Variants in INPP4B observed in about 807,000 individuals in gnomAD.
INPP4B encodes inositol polyphosphate 4-phosphatase type II.
A neutral mutation model predicts 122.5 loss-of-function variants in INPP4B; 55 were observed. The observed-to-expected ratio is 0.45, with a 90% CI of 0.36 to 0.56. The LOEUF (loss-of-function observed/expected upper bound fraction) is 0.56, where lower values mean the gene tolerates loss of function less well. INPP4B is among the 20% of genes least tolerant of loss of function. INPP4B has a pLI of 0.00. For missense variants in INPP4B, 1,000 were observed against 1,097.7 expected, an observed-to-expected ratio of 0.91 and a Z score of 1.26; for synonymous variants, 403 against 388.7, an observed-to-expected ratio of 1.04 and a Z score of -0.43.
In INPP4B at chr4:142,363,354, T is replaced by C. The variant is rs192449937; in HGVS notation, c.372+39584A>G. On this transcript the variant is annotated intron_variant, in intron 7 of 25. Coordinates refer to ENST00000262992, the MANE Select transcript of INPP4B (RefSeq NM_001101669.3). Reference sequence around the variant, plus strand: ...ATATAAACAAATATATATATATATGTGTGTGTGTATACACATGCCAAAAAG... The same window carrying C: ...ATATAAACAAATATATATATATATGCGTGTGTGTATACACATGCCAAAAAG... Among the ~76,000 whole-genome samples, 682 of 148,822 alleles carry C rather than the reference T, an allele frequency of 4.6e-3. 4 individuals are homozygous for C. Among genetic ancestry groups the C allele is most frequent in the Non-Finnish European group, 7.6e-3 (519 of 67,886 alleles).
rs1561067929 is a variant in INPP4B at position 142,086,218 on chromosome 4, A to G, written c.2413T>C (p.Leu805=). The change falls in exon 24 of 26, where the codon TTG becomes CTG. Residue 805 remains leucine (L), a synonymous_variant. Coordinates refer to ENST00000262992, the MANE Select transcript of INPP4B (RefSeq NM_001101669.3). The part of the protein sequence containing the change: ...HFQEQNDLKA[L]LENLLQNIQS... ...ATATTTTGAAGGAGATTTTCTAGCA[A>G]TGCTTTTAAATCATTTTGTTCCTGA... 3 of 1,588,460 alleles carry G rather than the reference A, an allele frequency of 1.9e-6. No individual in the cohort carries two copies. Among genetic ancestry groups the G allele is most frequent in the Non-Finnish European group, 2.6e-6 (3 of 1,156,896 alleles).
Position 142,122,236 on chromosome 4 carries a change from A to G in INPP4B, c.2027T>C (p.Ile676Thr), listed in dbSNP as rs1796848336. The G allele has an allele frequency of 3.7e-6, 6 of 1,609,354 alleles. No homozygotes were observed. The East Asian group carries it at 6.7e-5, about 18-fold the overall frequency. ...EGLLSTYSDE[I>T]GMLEDMAVGI... Reference sequence around the variant, plus strand: ...AACGGCCATGTCCTCTAGCATTCCAATTTCATCGCCTAAACAATAGAAAAG... The same window carrying G: ...AACGGCCATGTCCTCTAGCATTCCAGTTTCATCGCCTAAACAATAGAAAAG... Residue 676 changes from isoleucine to threonine, a missense_variant, in exon 21 of 26, where the codon ATT becomes ACT. Ile to Thr is a moderately conservative substitution (Grantham distance 89). Transcript: ENST00000262992.
At chr4:142,559,641 A>G (rs1195646649) in intron 2 of INPP4B, among the ~76,000 whole-genome samples, 3 of 152,124 alleles carry the variant, frequency 2.0e-5, no homozygotes, top group African/African-American at 7.2e-5. Flanking sequence ...AGTGTCACCC[A>G]CACTTCTACA....
At chr4:142,697,883 CAAT>C (rs1288430417) in intron 2 of INPP4B, among the ~76,000 whole-genome samples, 1 of 151,974 alleles carries the variant, frequency 6.6e-6, no homozygotes, top group Non-Finnish European at 1.5e-5. Context: ...ATGTAAATAA[CAAT>C]AATAATAAAA....
Position 142,208,476 on chromosome 4 carries a change from G to A in INPP4B, c.1021C>T (p.Pro341Ser), listed in dbSNP as rs745633585. Residue 341 changes from proline (P) to serine (S), a missense_variant, in exon 14 of 26, where the codon CCA becomes TCA. Transcript: ENST00000262992. ...ATTCTTTGCAGATGTAGATTTATTG[G>A]AACAAATTCTAATGTTTTCTCTCCT... is the stretch of plus-strand genomic sequence containing the variant. ...SKGEKTLEFV[P>S]INLHLQRMQV... 6.2e-7 allele frequency: 1 copy of A among 1,601,792 alleles called. No individual in the cohort carries two copies. Among genetic ancestry groups the A allele is most frequent in the Admixed American group, 1.7e-5 (1 of 58,508 alleles).
intron 2 of INPP4B, among the ~76,000 whole-genome samples, chr4:142,624,395 G>A (rs1274624583): frequency 4.6e-5 from 7 of 151,326 alleles, no homozygotes; most frequent in South Asian, 2.1e-4. Flanking sequence ...CATGTCCTTC[G>A]CCCACTTTTT....
At chr4:142,617,152 C>T (rs926048787) in intron 2 of INPP4B, among the ~76,000 whole-genome samples, 5 of 151,988 alleles carry the variant, frequency 3.3e-5, no homozygotes. Context: ...AAACTGAGAA[C>T]CCTCACACTC....
At chr4:142,538,894 T>TA (rs1484605680) in intron 2 of INPP4B, among the ~76,000 whole-genome samples, 2 of 151,752 alleles carry the variant, frequency 1.3e-5, no homozygotes, top group South Asian at 2.1e-4. Flanking sequence ...AGAATCCATT[T>TA]AAAAAAAGAA....
chr4:142,580,483 G>T (rs1459559462), intron 2 of INPP4B, among the ~76,000 whole-genome samples: 1 of 151,886 alleles, frequency 6.6e-6, no homozygotes, highest in Non-Finnish European at 1.5e-5. Context: ...CTCTAATTAA[G>T]AGATATAGTT....
intron 2 of INPP4B, among the ~76,000 whole-genome samples, chr4:142,521,959 G>A (rs1826135617): frequency 5.9e-5 from 9 of 152,016 alleles, no homozygotes; most frequent in Admixed American, 5.9e-4. Flanking sequence ...GCACAGAGTG[G>A]TGAATTAACT....
intron 2 of INPP4B, among the ~76,000 whole-genome samples, chr4:142,536,141 A>G (rs1032990863): frequency 3.3e-5 from 5 of 152,236 alleles, no homozygotes. Flanking sequence ...TTAGGGGGTA[A>G]GTAAGATTGT....
At chr4:142,602,664 A>G (rs533108243) in intron 2 of INPP4B, among the ~76,000 whole-genome samples, 4 of 152,214 alleles carry the variant, frequency 2.6e-5, no homozygotes, top group Non-Finnish European at 5.9e-5. Context: ...CCACAATGAG[A>G]TATCATCTCA....
intron 7 of INPP4B, chr4:142,347,543 C>G (rs776067001): frequency 2.3e-6 from 1 of 440,510 alleles, no homozygotes; most frequent in South Asian, 1.6e-5. Flanking sequence ...TGAAGTTAAT[C>G]TGTTGATCCT....
At chr4:142,030,373 C>A in intron 25 of INPP4B, 2 of 1,310,340 alleles carry the variant, frequency 1.5e-6, no homozygotes. Context: ...AAAATTCAGC[C>A]TTAAATATTC....
intron 2 of INPP4B, among the ~76,000 whole-genome samples, chr4:142,647,308 C>A (rs1414289185): frequency 2.0e-5 from 3 of 152,096 alleles, no homozygotes; most frequent in Non-Finnish European, 2.9e-5. Flanking sequence ...TAACTAAGCA[C>A]ATGTATTACT....
chr4:142,759,825 TAAAAAAAAAA>T (rs70949188), intron 1 of INPP4B, among the ~76,000 whole-genome samples: 17 of 70,070 alleles, frequency 2.4e-4, no homozygotes, highest in South Asian at 2.1e-3. Flanking sequence ...GAGCTTTTTC[TAAAAAAAAAA>T]AAAAAAAAAA....
intron 25 of INPP4B, among the ~76,000 whole-genome samples, chr4:142,041,201 A>T (rs1747257913): frequency 6.6e-6 from 1 of 152,180 alleles, no homozygotes; most frequent in African/African-American, 2.4e-5. Context: ...ATCTAACTCC[A>T]TTAAGTCTGA....
At chr4:142,134,219 C>T (rs762769126) in intron 18 of INPP4B, among the ~76,000 whole-genome samples, 2 of 152,108 alleles carry the variant, frequency 1.3e-5, no homozygotes, top group Non-Finnish European at 2.9e-5. Context: ...AACTTTGGAA[C>T]TGGAAGAGAC....
At chr4:142,191,811 C>G (rs1304296008) in intron 15 of INPP4B, among the ~76,000 whole-genome samples, 1 of 151,478 alleles carries the variant, frequency 6.6e-6, no homozygotes. Flanking sequence ...CAAAAATGAA[C>G]AAAAAACTAG....
Sources: allele counts gnomAD v4.1 joint callset (sites outside exome capture counted in the v4.1 genomes callset), GRCh38; gene constraint gnomAD v4.1.1; transcripts MANE v1.5; gene names NCBI Gene and HGNC (gene_info 2026-07-23, HGNC 2026-07-21).